Variants in COL24A1 observed in about 807,000 individuals in gnomAD.
COL24A1 encodes the protein collagen alpha-1(XXIV) chain.
In COL24A1, 224 loss-of-function variants were observed where a neutral mutation model predicts 253.9. The observed-to-expected ratio is 0.88, with a 90% CI of 0.79 to 0.99. COL24A1 has a LOEUF of 0.99. COL24A1 is among the 50% of genes least tolerant of loss of function. The pLI, the probability that COL24A1 is intolerant of heterozygous loss-of-function variation, is 0.00. For missense variants in COL24A1, 2,131 were observed against 2,068.5 expected (o/e 1.03, Z -0.59); for synonymous variants, 685 against 673.7 (o/e 1.02, Z -0.26).
chr1:86,027,021 G>C (rs1179924360), intron 14 of COL24A1, among the ~76,000 whole-genome samples: 1 of 152,162 alleles, frequency 6.6e-6, no homozygotes, highest in African/African-American at 2.4e-5. Flanking sequence ...CTTTGAACTT[G>C]AGAGAGATGA....
intron 18 of COL24A1, among the ~76,000 whole-genome samples, chr1:86,019,344 C>CCAGGAGT (rs1330626841): frequency 6.6e-6 from 1 of 151,842 alleles, no homozygotes; most frequent in Non-Finnish European, 1.5e-5. Context: ...TTGCTTGAGG[C>CCAGGAGT]CAGGAGTTTA....
At chr1:86,146,236 C>A (rs927912063) in intron 1 of COL24A1, 53 bp from the exon 2 acceptor site, 5 of 1,404,092 alleles carry the variant, frequency 3.6e-6, no homozygotes. Flanking sequence ...ACATTTACAA[C>A]CATATAGAAT....
chr1:85,957,384 G>C lies in COL24A1; in HGVS notation c.2562+3865C>G, dbSNP rs1176989448. 2.6e-5 allele frequency among the ~76,000 whole-genome samples: 4 copies of C among 152,016 alleles called. No individual in the cohort carries two copies. The East Asian group carries it at 5.8e-4, about 22-fold the overall frequency. On this transcript the variant is annotated intron_variant, in intron 24 of 59. Transcript: ENST00000370571. ...TAATAAATAAATAAATAAAATAAAA[G>C]GGCCAGAGAAAAGAAGTCAAATTTG...
chr1:85,875,144 A>G, intron 34 of COL24A1, 133 bp downstream of exon 34: 1 of 760,368 alleles, frequency 1.3e-6, no homozygotes. Context: ...AGGAGTTCCA[A>G]AACATTTCCT....
intron 22 of COL24A1, among the ~76,000 whole-genome samples, chr1:85,968,218 T>C (rs893637014): frequency 2.0e-5 from 3 of 152,146 alleles, no homozygotes; most frequent in Admixed American, 6.6e-5. Context: ...CCCCTTTATA[T>C]ATATCCTATT....
rs1200756052 is a variant in COL24A1, at chr1:85,734,900, T to C, written c.4847A>G (p.His1616Arg). ...GTTTAGACAGTGAATGGTGATGATATGGGTGGCTTCCGAACTCAGTAAATG... is the reference window on the plus strand; with the variant it reads ...GTTTAGACAGTGAATGGTGATGATACGGGTGGCTTCCGAACTCAGTAAATG... ...FLHLLSSEAT[H>R]IITIHCLNTP... The change falls in exon 59 of 60, where the codon CAT becomes CGT. Residue 1616 changes from histidine (H) to arginine (R), a missense_variant. Coordinates refer to ENST00000370571, the MANE Select transcript of COL24A1 (RefSeq NM_152890.7). The C allele has an allele frequency of 3.7e-6, 6 of 1,614,116 alleles. No individual in the cohort carries two copies. The highest frequency in any genetic ancestry group is 5.1e-6 in the Non-Finnish European group (6 of 1,180,048).
intron 14 of COL24A1, among the ~76,000 whole-genome samples, chr1:86,028,319 C>T (rs1698237690): frequency 6.6e-6 from 1 of 152,182 alleles, no homozygotes; most frequent in Non-Finnish European, 1.5e-5. Flanking sequence ...GCTATGGCCC[C>T]ACCCAAAATC....
Position 86,031,870 on chromosome 1 carries a change from A to T in COL24A1, c.2049+8T>A. On this transcript the variant is annotated splice_region_variant and intron_variant, in intron 14 of 59. Coordinates refer to ENST00000370571, the MANE Select transcript of COL24A1 (RefSeq NM_152890.7). Reference sequence around the variant, plus strand: ...TTCTTAAGAATGATGATATTTAGTGATACTCACTCTAAGCCCAGGAAACCC... The same window carrying T: ...TTCTTAAGAATGATGATATTTAGTGTTACTCACTCTAAGCCCAGGAAACCC... 4 of 1,598,532 alleles carry T rather than the reference A, an allele frequency of 2.5e-6. No homozygotes were observed. The highest frequency in any genetic ancestry group is 3.4e-6 in the Non-Finnish European group (4 of 1,171,978).
intron 12 of COL24A1, among the ~76,000 whole-genome samples, chr1:86,035,544 A>T (rs1047495366): frequency 2.0e-5 from 3 of 152,088 alleles, no homozygotes; most frequent in African/African-American, 7.2e-5. Flanking sequence ...CATAAAGTAG[A>T]TTAGTGGTTG....
intron 24 of COL24A1, among the ~76,000 whole-genome samples, chr1:85,948,059 C>G (rs1213349408): frequency 6.6e-6 from 1 of 152,118 alleles, no homozygotes; most frequent in Non-Finnish European, 1.5e-5. Flanking sequence ...TCCATGAAGT[C>G]TCATGCATAT....
chr1:86,015,986 G>A (rs1453052039), intron 19 of COL24A1, among the ~76,000 whole-genome samples: 2 of 149,064 alleles, frequency 1.3e-5, no homozygotes, highest in Non-Finnish European at 3.0e-5. Flanking sequence ...TCAGCCTCCC[G>A]AGTAGCTGGG....
intron 47 of COL24A1, among the ~76,000 whole-genome samples, chr1:85,810,766 C>T (rs1268071013): frequency 2.0e-5 from 3 of 152,090 alleles, no homozygotes; most frequent in Non-Finnish European, 4.4e-5. Context: ...CCCACTTCAC[C>T]TTCTAGTCTC....
chr1:85,793,787 G>T (rs1670541039), intron 47 of COL24A1, among the ~76,000 whole-genome samples: 1 of 152,050 alleles, frequency 6.6e-6, no homozygotes, highest in African/African-American at 2.4e-5. Context: ...GAGACTTTGG[G>T]ATTTAAATTT....
chr1:86,146,036 T>C (rs1378231683), intron 2 of COL24A1, 83 bp downstream of exon 2: 4 of 1,111,486 alleles, frequency 3.6e-6, no homozygotes, highest in African/African-American at 3.1e-5. Flanking sequence ...TTTACAGTTA[T>C]AATGAGTTGA....
rs1663756185 is a variant in COL24A1 at position 85,733,772 on chromosome 1, G to A, written c.4998+977C>T. Among the ~76,000 whole-genome samples, 4 of 151,232 alleles carry A rather than the reference G, an allele frequency of 2.6e-5. No individual in the cohort carries two copies. In the South Asian group the frequency reaches 8.3e-4, roughly 32 times the overall value. ...TTTTTGTATTTTTAGTAGAGACGGA[G>A]TTTCTCCATGTTGGCCAGGCTGGTC... On this transcript the variant is annotated intron_variant, in intron 59 of 59. Transcript: ENST00000370571.
chr1:85,978,969 A>C (rs948656515), intron 20 of COL24A1, among the ~76,000 whole-genome samples: 92 of 152,162 alleles, frequency 6.0e-4, no homozygotes, highest in Non-Finnish European at 1.6e-4. Flanking sequence ...ATTTAAGAAA[A>C]TAGAAATTAT....
At chr1:86,069,052 T>C (rs1701685551) in intron 7 of COL24A1, among the ~76,000 whole-genome samples, 1 of 151,986 alleles carries the variant, frequency 6.6e-6, no homozygotes, top group African/African-American at 2.4e-5. Flanking sequence ...CCAGCTGTGG[T>C]GGTCACAGTG....
intron 52 of COL24A1, among the ~76,000 whole-genome samples, chr1:85,776,590 A>G (rs1668567521): frequency 1.3e-5 from 2 of 152,108 alleles, no homozygotes; most frequent in South Asian, 4.1e-4. Flanking sequence ...ATTCTTTTAG[A>G]TAATTAAAAT....
chr1:85,927,357 T>G (rs1487823303), intron 24 of COL24A1, among the ~76,000 whole-genome samples: 1 of 151,302 alleles, frequency 6.6e-6, no homozygotes, highest in Admixed American at 6.6e-5. Flanking sequence ...CCCACCCGAA[T>G]ATTGCGCTTT....
Sources: allele counts gnomAD v4.1 joint callset (sites outside exome capture counted in the v4.1 genomes callset), GRCh38; gene constraint gnomAD v4.1.1; transcripts MANE v1.5; gene names NCBI Gene and HGNC (gene_info 2026-07-23, HGNC 2026-07-21).